Variants in NIPBL observed in about 807,000 individuals in gnomAD.
The protein encoded by NIPBL is nipped-B-like protein.
A neutral mutation model predicts 321.8 loss-of-function variants in NIPBL; 19 were observed. That is an observed-to-expected ratio of 0.06 (90% CI 0.04 to 0.09). The LOEUF (loss-of-function observed/expected upper bound fraction) is 0.09. Ranked by LOEUF, NIPBL falls within the 10% of genes least tolerant of loss-of-function variation. The probability of loss-of-function intolerance (pLI) is 1.00; values close to 1 mark genes in which losing one functional copy is unlikely to be tolerated. For missense variants in NIPBL, 2,210 were observed against 3,327.0 expected (o/e 0.66, Z 8.26); for synonymous variants, 1,106 against 1,114.1 (o/e 0.99, Z 0.14).
intron 25 of NIPBL, among the ~76,000 whole-genome samples, chr5:37,020,222 T>A (rs1355567803): frequency 6.6e-6 from 1 of 152,260 alleles, no homozygotes; most frequent in Admixed American, 6.5e-5. Flanking sequence ...GTTGTGTTTA[T>A]CAAATTATCT....
At chr5:36,950,076 AT>A (rs1740101094) in intron 1 of NIPBL, among the ~76,000 whole-genome samples, 1 of 151,990 alleles carries the variant, frequency 6.6e-6, no homozygotes, top group Admixed American at 6.6e-5. Flanking sequence ...CAACAGTTAA[AT>A]TTTTTTCTGC....
At chr5:36,991,606 C>T (rs1745523682) in intron 10 of NIPBL, among the ~76,000 whole-genome samples, 1 of 151,970 alleles carries the variant, frequency 6.6e-6, no homozygotes, top group South Asian at 2.1e-4. Flanking sequence ...AGTAAATTGT[C>T]ATTTACATGC....
At chr5:37,046,589 A>G (rs1207725428) in intron 38 of NIPBL, among the ~76,000 whole-genome samples, 1 of 152,324 alleles carries the variant, frequency 6.6e-6, no homozygotes, top group South Asian at 2.1e-4. Context: ...CTTTGTCACT[A>G]CAGGAAGCTG....
intron 21 of NIPBL, among the ~76,000 whole-genome samples, chr5:37,013,451 C>T (rs1216986181): frequency 2.0e-5 from 3 of 150,248 alleles, no homozygotes; most frequent in Admixed American, 6.6e-5. Flanking sequence ...ACTTCTCAGA[C>T]GGGGCGGCTG....
In NIPBL at chr5:36,876,822, T is replaced by TCCCCCCGCCC; in HGVS notation, c.-436_-435insCCCCCCGCCC. The TCCCCCCGCCC allele has an allele frequency of 2.7e-6, 1 of 372,390 alleles. No individual in the cohort carries two copies. The highest frequency in any genetic ancestry group is 4.8e-6 in the Non-Finnish European group (1 of 210,366). 23.1% of individuals were successfully genotyped at this position (372,390 alleles called of 1,614,324 possible). On this transcript the variant is annotated 5_prime_UTR_variant, in exon 1 of 47. Coordinates refer to ENST00000282516, the MANE Select transcript of NIPBL (RefSeq NM_133433.4). ...GAGAGAGAGACACACACAGGGCTCC[T>TCCCCCCGCCC]TCCCCCCGCCCTCCCCCCCCTCCCT...
At position 36,892,776 on chromosome 5, in the gene NIPBL, C is replaced by T. The variant is rs1202129311; in HGVS notation, c.-80+15598C>T. On this transcript the variant is annotated intron_variant, in intron 1 of 46. Transcript: ENST00000282516. The stretch of plus-strand genomic sequence containing the variant: ...ACACAGGAGGGGGAACATCACACAC[C>T]AGGGACTGTTGTGGGGTGGGGGGAG... Among the ~76,000 whole-genome samples the T allele has an allele frequency of 2.6e-4, 40 of 151,222 alleles. 1 individual carries two copies. The highest frequency in any genetic ancestry group is 3.4e-3 in the Middle Eastern group (1 of 294).
In NIPBL at chr5:36,956,233, A is replaced by G. The variant is rs77833275; in HGVS notation, c.230+596A>G. ...CAACAGAGTAAGACTCCGTCTGGGG[A>G]AAAAAAAAATTATTTTTCACTGCAA... On this transcript the variant is annotated intron_variant, in intron 3 of 46. Coordinates refer to ENST00000282516, the MANE Select transcript of NIPBL (RefSeq NM_133433.4). Among the ~76,000 whole-genome samples, 119 of 150,632 alleles carry G rather than the reference A, an allele frequency of 7.9e-4. 1 individual carries two copies. The East Asian group carries it at 0.02, about 26-fold the overall frequency.
At chr5:37,027,069 G>GTGTA (rs1329260945) in intron 31 of NIPBL, among the ~76,000 whole-genome samples, 1 of 152,112 alleles carries the variant, frequency 6.6e-6, no homozygotes, top group Non-Finnish European at 1.5e-5. Context: ...TCCTCACAGA[G>GTGTA]TGTAGTTCAA....
At chr5:37,045,664 C>T in intron 37 of NIPBL, 67 bp downstream of exon 37, 1 of 1,493,996 alleles carries the variant, frequency 6.7e-7, no homozygotes. Flanking sequence ...CTGAGAATGA[C>T]AGTAGTGACC....
chr5:36,923,305 C>CAAAACAA (rs1749096871), intron 1 of NIPBL, among the ~76,000 whole-genome samples: 1 of 151,734 alleles, frequency 6.6e-6, no homozygotes, highest in South Asian at 2.1e-4. Context: ...GACTCCATCT[C>CAAAACAA]AAAACAAAAA....
chr5:36,975,085 A>G (rs1211626755), intron 8 of NIPBL, among the ~76,000 whole-genome samples: 2 of 151,980 alleles, frequency 1.3e-5, no homozygotes, highest in Non-Finnish European at 2.9e-5. Context: ...GGCTCAATAT[A>G]TTTTATTGGG....
At chr5:36,899,739 A>G (rs1162678656) in intron 1 of NIPBL, among the ~76,000 whole-genome samples, 1 of 152,198 alleles carries the variant, frequency 6.6e-6, no homozygotes, top group Admixed American at 6.5e-5. Flanking sequence ...AAGTACATGT[A>G]TATACACAGA....
chr5:36,889,047 C>T (rs1340571117), intron 1 of NIPBL, among the ~76,000 whole-genome samples: 1 of 152,098 alleles, frequency 6.6e-6, no homozygotes, highest in Non-Finnish European at 1.5e-5. Context: ...ATAGTAAGCA[C>T]TCAACAAACA....
intron 8 of NIPBL, among the ~76,000 whole-genome samples, chr5:36,972,585 C>A (rs1052067023): frequency 4.6e-5 from 7 of 152,098 alleles, no homozygotes; most frequent in Middle Eastern, 6.8e-3. Context: ...CTAAATCAAT[C>A]TTTGGCTCCA....
At position 37,022,402 on chromosome 5, in the gene NIPBL, AT is replaced by A; in HGVS notation, c.5574+17del. ...TTGAAAGAATATTGGTATGTTTGTC[AT>A]TTTTATAATGATTCGTGAATATAAT... On this transcript the variant is annotated intron_variant, in intron 29 of 46. Transcript: ENST00000282516. 2.5e-6 allele frequency: 4 copies of A among 1,592,936 alleles called. No homozygotes were observed. Among genetic ancestry groups the A allele is most frequent in the Non-Finnish European group, 3.4e-6 (4 of 1,165,986 alleles).
chr5:36,932,350 C>A (rs549454672), intron 1 of NIPBL, among the ~76,000 whole-genome samples: 1 of 152,242 alleles, frequency 6.6e-6, no homozygotes, highest in South Asian at 2.1e-4. Flanking sequence ...GTTTGTGCTT[C>A]ATATATGTGG....
chr5:37,009,047 A>G (rs1429591258), intron 20 of NIPBL, among the ~76,000 whole-genome samples: 2 of 152,204 alleles, frequency 1.3e-5, no homozygotes, highest in Admixed American at 1.3e-4. Flanking sequence ...ACCTCTACCC[A>G]TTAGGTACCA....
chr5:36,908,349 C>T (rs549950259), intron 1 of NIPBL, among the ~76,000 whole-genome samples: 2 of 152,266 alleles, frequency 1.3e-5, no homozygotes, highest in African/African-American at 4.8e-5. Context: ...AAGTAAACCA[C>T]ATTTTGCATA....
intron 45 of NIPBL, among the ~76,000 whole-genome samples, chr5:37,061,571 C>T (rs752346861): frequency 1.6e-4 from 25 of 152,052 alleles, no homozygotes; most frequent in Non-Finnish European, 3.5e-4. Flanking sequence ...CCCAGCTACT[C>T]AGGAGGCTGA....
Sources: gnomAD v4.1 joint callset for allele counts (sites outside exome capture counted in the v4.1 genomes callset) on GRCh38, gnomAD v4.1.1 for gene constraint, MANE v1.5 for transcripts, NCBI Gene and HGNC (gene_info 2026-07-23, HGNC 2026-07-21) for gene names.